KCNT1: variants seen among roughly 807,000 people sequenced by gnomAD.
The protein encoded by KCNT1 is potassium channel subfamily T member 1.
A neutral mutation model predicts 147.8 loss-of-function variants in KCNT1; 78 were observed. The observed-to-expected ratio is 0.53, with a 90% CI of 0.44 to 0.64. The LOEUF is 0.64. KCNT1 is among the 30% of genes least tolerant of loss of function. KCNT1 has a pLI of 0.00. For missense variants in KCNT1, 1,419 were observed against 1,750.3 expected, an observed-to-expected ratio of 0.81 and a Z score of 3.38; for synonymous variants, 867 against 748.8, an observed-to-expected ratio of 1.16 and a Z score of -2.58.
chr9:135,719,736 A>G (rs1353995147), intron 2 of KCNT1, among the ~76,000 whole-genome samples: 1 of 152,148 alleles, frequency 6.6e-6, no homozygotes, highest in African/African-American at 2.4e-5. Flanking sequence ...GGCCAGGGCC[A>G]CTGCCTTGGC....
At chr9:135,738,451 G>A (rs568443258) in intron 2 of KCNT1, among the ~76,000 whole-genome samples, 7 of 147,336 alleles carry the variant, frequency 4.8e-5, no homozygotes, top group South Asian at 2.2e-4. Flanking sequence ...TGGATCTCAC[G>A]GAAAACACAG....
intron 2 of KCNT1, among the ~76,000 whole-genome samples, chr9:135,736,305 G>A (rs1408265369): frequency 6.6e-6 from 1 of 152,176 alleles, no homozygotes; most frequent in Non-Finnish European, 1.5e-5. Context: ...CTCCTCTCCA[G>A]CATCTGCCGC....
At chr9:135,747,395 C>T (rs1176606951) in intron 2 of KCNT1, among the ~76,000 whole-genome samples, 1 of 151,856 alleles carries the variant, frequency 6.6e-6, no homozygotes, top group Non-Finnish European at 1.5e-5. Flanking sequence ...CCCGGTGGTC[C>T]CTGGGTACCG....
chr9:135,777,326 A>T lies in KCNT1; in HGVS notation c.2350-12A>T. On this transcript the variant is annotated splice_polypyrimidine_tract_variant and intron_variant, in intron 20 of 30. Coordinates refer to ENST00000371757, the MANE Select transcript of KCNT1 (RefSeq NM_020822.3). ...CCCTGACTCCAGCCCTGACTCCAGC[A>T]TCTGCCCCCAGGGCTGCAAGCACAA... 6.2e-7 allele frequency: 1 copy of T among 1,610,756 alleles called. No homozygotes were observed. The highest frequency in any genetic ancestry group is 8.5e-7 in the Non-Finnish European group (1 of 1,177,994).
chr9:135,705,987 G>A (rs1334795015), intron 1 of KCNT1, among the ~76,000 whole-genome samples: 1 of 152,158 alleles, frequency 6.6e-6, no homozygotes, highest in Non-Finnish European at 1.5e-5. Context: ...GCAGGACCAG[G>A]GTCTGGACTG....
intron 2 of KCNT1, among the ~76,000 whole-genome samples, chr9:135,729,944 T>G (rs911912138): frequency 6.6e-6 from 1 of 152,176 alleles, no homozygotes; most frequent in Non-Finnish European, 1.5e-5. Flanking sequence ...GAGCACCCAG[T>G]GTTCCCTCTG....
intron 24 of KCNT1, among the ~76,000 whole-genome samples, chr9:135,780,076 G>T (rs1833496797): frequency 6.6e-6 from 1 of 152,200 alleles, no homozygotes; most frequent in Non-Finnish European, 1.5e-5. Context: ...CACCACCCAG[G>T]GTCAGGTGTG....
chr9:135,753,521 A>G (rs1382644143), intron 4 of KCNT1, among the ~76,000 whole-genome samples: 1 of 152,134 alleles, frequency 6.6e-6, no homozygotes, highest in Non-Finnish European at 1.5e-5. Context: ...AGCCTTGTTC[A>G]AGGCAGCTCT....
intron 2 of KCNT1, among the ~76,000 whole-genome samples, chr9:135,736,252 G>C (rs1432947153): frequency 2.0e-5 from 3 of 152,150 alleles, no homozygotes; most frequent in Non-Finnish European, 4.4e-5. Flanking sequence ...GGCCTGGTCC[G>C]CAGGCCGGCT....
chr9:135,724,091 C>T (rs1191053331), intron 2 of KCNT1, among the ~76,000 whole-genome samples: 13 of 152,212 alleles, frequency 8.5e-5, no homozygotes, highest in Admixed American at 7.9e-4. Context: ...CCATCATGGG[C>T]CCCTGAATAA....
chr9:135,774,995 G>A (rs1202927879), intron 19 of KCNT1, among the ~76,000 whole-genome samples: 1 of 152,130 alleles, frequency 6.6e-6, no homozygotes, highest in Non-Finnish European at 1.5e-5. Context: ...AGGCAGGCAC[G>A]GGTCCTTAAG....
chr9:135,757,378 G>A lies in KCNT1; in HGVS notation c.756G>A (p.Met252Ile). Reference sequence around the variant, plus strand: ...TGGCCAAGCACGCGCTGGAAAACATGATTGTAAGCCGGGGCGGGGGGTGCA... The same window carrying A: ...TGGCCAAGCACGCGCTGGAAAACATAATTGTAAGCCGGGGCGGGGGGTGCA... ...CWLAKHALEN[M>I]INDFHRAILR... The change falls in exon 9 of 31, where the codon ATG becomes ATA. Residue 252 changes from methionine (M) to isoleucine (I), a missense_variant. Physicochemically the swap from Met to Ile is conservative, Grantham distance 10. Coordinates refer to ENST00000371757, the MANE Select transcript of KCNT1 (RefSeq NM_020822.3). 6.2e-7 allele frequency: 1 copy of A among 1,608,060 alleles called. No individual in the cohort carries two copies. Among genetic ancestry groups the A allele is most frequent in the Non-Finnish European group, 8.5e-7 (1 of 1,179,864 alleles).
chr9:135,774,804 G>T (rs1833041512), intron 19 of KCNT1, among the ~76,000 whole-genome samples: 1 of 152,122 alleles, frequency 6.6e-6, no homozygotes, highest in South Asian at 2.1e-4. Context: ...GCTGACCATG[G>T]GGGGGTCCTG....
At chr9:135,789,590 G>C (rs918055705) in intron 29 of KCNT1, 1 of 152,216 alleles carries the variant, frequency 6.6e-6, no homozygotes, top group Admixed American at 6.5e-5. Context: ...CTCGGGTGGC[G>C]GTAGCTCTGG....
intron 1 of KCNT1, among the ~76,000 whole-genome samples, chr9:135,703,746 C>T (rs1256558992): frequency 2.0e-5 from 3 of 152,242 alleles, no homozygotes; most frequent in Admixed American, 1.3e-4. Context: ...TATCACCTAC[C>T]CTGCTGGGCC....
At chr9:135,721,994 G>A (rs555955333) in intron 2 of KCNT1, among the ~76,000 whole-genome samples, 38 of 152,268 alleles carry the variant, frequency 2.5e-4, no homozygotes, top group African/African-American at 8.7e-4. Context: ...AGGGGCTTGC[G>A]TTGCCTCCAG....
chr9:135,787,248 G>A (rs748405357), intron 29 of KCNT1, among the ~76,000 whole-genome samples: 4 of 152,202 alleles, frequency 2.6e-5, no homozygotes, highest in African/African-American at 7.2e-5. Flanking sequence ...CTCTCTCTGC[G>A]CCTTGTGGTG....
In KCNT1 at chr9:135,786,441, A is replaced by G. The variant is rs1263026429; in HGVS notation, c.3422A>G (p.Tyr1141Cys). 1 of 1,597,052 alleles carries G rather than the reference A, an allele frequency of 6.3e-7. No homozygotes were observed. Among genetic ancestry groups the G allele is most frequent in the Non-Finnish European group, 8.5e-7 (1 of 1,172,990 alleles). Residue 1141 changes from tyrosine (Y) to cysteine (C), a missense_variant, in exon 29 of 31, where the codon TAC (tyrosine) becomes TGC (cysteine). Tyr to Cys is a radical substitution (Grantham distance 194, BLOSUM62 -2). Coordinates refer to ENST00000371757, the MANE Select transcript of KCNT1 (RefSeq NM_020822.3). ...ATCAGCCAGCAGCGCCTCAGCCTGT[A>G]CCGGCGCTCTGAGCGCCAGGAGCTC... ...EWISQQRLSLYRRSERQELSE... is the reference protein window; with the variant it reads ...EWISQQRLSLCRRSERQELSE...
Position 135,784,218 on chromosome 9 carries a change from G to A in KCNT1, c.2943+93G>A, listed in dbSNP as rs537938993. On this transcript the variant is annotated intron_variant, in intron 25 of 30. Transcript: ENST00000371757. ...AGCCTGGTCCCTGTTCTGAATGATA[G>A]GACTCCCTCTGAATGACCTTCCCTG... The A allele has an allele frequency of 4.9e-5, 49 of 1,003,140 alleles. No homozygotes were observed. In the African/African-American group the frequency reaches 7.4e-4, roughly 15 times the overall value. 62.1% of individuals were successfully genotyped at this position (1,003,140 alleles called of 1,614,324 possible).
Sources: gnomAD v4.1 joint callset for allele counts (sites outside exome capture counted in the v4.1 genomes callset) on GRCh38, gnomAD v4.1.1 for gene constraint, MANE v1.5 for transcripts, NCBI Gene and HGNC (gene_info 2026-07-23, HGNC 2026-07-21) for gene names.